Variants in FCHSD2 observed in about 807,000 individuals in gnomAD.
FCHSD2 encodes F-BAR and double SH3 domains protein 2.
FCHSD2 carries 38 observed loss-of-function variants against 108.1 expected under a neutral mutation model. The observed-to-expected ratio is 0.35, with a 90% CI of 0.27 to 0.46. The LOEUF is 0.46. Among genes scored for constraint, FCHSD2 ranks in the 20% least tolerant of loss-of-function variants. The probability of loss-of-function intolerance (pLI) is 1.00; values close to 1 mark genes in which losing one functional copy is unlikely to be tolerated. For missense variants in FCHSD2, 751 were observed against 897.8 expected (o/e 0.84, Z 2.09); for synonymous variants, 279 against 314.7 (o/e 0.89, Z 1.20).
At chr11:72,982,758 CT>C (rs1434236266) in intron 8 of FCHSD2, among the ~76,000 whole-genome samples, 1 of 152,194 alleles carries the variant, frequency 6.6e-6, no homozygotes, top group Non-Finnish European at 1.5e-5. Flanking sequence ...TGAACATACT[CT>C]TTTGTTTGTC....
intron 8 of FCHSD2, among the ~76,000 whole-genome samples, chr11:72,954,505 C>CA (rs1472696873): frequency 1.3e-5 from 2 of 151,810 alleles, no homozygotes; most frequent in Non-Finnish European, 2.9e-5. Context: ...TGTGCCCAGC[C>CA]AAAAAATCAT....
At chr11:72,862,933 A>T (rs1854633454) in intron 13 of FCHSD2, among the ~76,000 whole-genome samples, 1 of 150,466 alleles carries the variant, frequency 6.6e-6, no homozygotes, top group Non-Finnish European at 1.5e-5. Context: ...TATATGATTA[A>T]TTTTTTTTTT....
intron 3 of FCHSD2, among the ~76,000 whole-genome samples, chr11:73,030,377 G>A (rs1196344706): frequency 6.6e-6 from 1 of 152,022 alleles, no homozygotes; most frequent in Non-Finnish European, 1.5e-5. Context: ...AAAACAAAAG[G>A]AGATATTTTC....
intron 3 of FCHSD2, among the ~76,000 whole-genome samples, chr11:73,064,798 C>T (rs1859251700): frequency 6.6e-6 from 1 of 152,130 alleles, no homozygotes; most frequent in African/African-American, 2.4e-5. Flanking sequence ...CCTCCGAAGT[C>T]TAAACCAGAA....
chr11:72,905,339 G>C (rs2135279480), intron 9 of FCHSD2, among the ~76,000 whole-genome samples: 1 of 152,190 alleles, frequency 6.6e-6, no homozygotes, highest in Non-Finnish European at 1.5e-5. Context: ...AAGATATTTT[G>C]ATACAGGACT....
intron 8 of FCHSD2, among the ~76,000 whole-genome samples, chr11:72,950,438 T>TC (rs1856600496): frequency 6.6e-6 from 1 of 152,118 alleles, no homozygotes; most frequent in Non-Finnish European, 1.5e-5. Flanking sequence ...ATTTTTTTTT[T>TC]CCCTCAAAGA....
intron 3 of FCHSD2, among the ~76,000 whole-genome samples, chr11:73,048,952 CA>C (rs1858829132): frequency 6.6e-6 from 1 of 152,142 alleles, no homozygotes; most frequent in Non-Finnish European, 1.5e-5. Flanking sequence ...TCTCACATGA[CA>C]AAGAGCTATG....
chr11:73,105,661 C>T (rs1393879686), intron 2 of FCHSD2, among the ~76,000 whole-genome samples: 1 of 152,046 alleles, frequency 6.6e-6, no homozygotes, highest in African/African-American at 2.4e-5. Context: ...ATAAAGAACT[C>T]AATAAATATT....
In FCHSD2 at chr11:72,927,137, G is replaced by C. The variant is rs141861044; in HGVS notation, c.706-5187C>G. ...CTTTTCCGGGTAGGCAAAAAACCCT[G>C]TAAGCCTTTAAGGGTAAGGAAGATC... On this transcript the variant is annotated intron_variant, in intron 8 of 19. Coordinates refer to ENST00000409418, the MANE Select transcript of FCHSD2 (RefSeq NM_014824.3). 1.8e-4 allele frequency among the ~76,000 whole-genome samples: 28 copies of C among 152,250 alleles called. No individual in the cohort carries two copies. The East Asian group carries it at 5.2e-3, about 28-fold the overall frequency.
intron 5 of FCHSD2, among the ~76,000 whole-genome samples, chr11:72,999,866 GACACAC>G (rs138484535): frequency 6.7e-6 from 1 of 150,306 alleles, no homozygotes; most frequent in Non-Finnish European, 1.5e-5. Flanking sequence ...TGCACAATCA[GACACAC>G]ACACACACAC....
intron 9 of FCHSD2, among the ~76,000 whole-genome samples, chr11:72,914,681 A>T (rs890669518): frequency 2.0e-5 from 3 of 152,200 alleles, no homozygotes; most frequent in Non-Finnish European, 4.4e-5. Flanking sequence ...GGCTAGCCAT[A>T]TGCAGAAAAT....
At chr11:73,010,982 G>C (rs991152474) in intron 4 of FCHSD2, among the ~76,000 whole-genome samples, 1 of 152,146 alleles carries the variant, frequency 6.6e-6, no homozygotes, top group African/African-American at 2.4e-5. Context: ...GGCTGTGAGG[G>C]GGTGGGCAGC....
intron 3 of FCHSD2, among the ~76,000 whole-genome samples, chr11:73,067,841 T>C (rs751957026): frequency 6.6e-6 from 1 of 152,178 alleles, no homozygotes; most frequent in Non-Finnish European, 1.5e-5. Flanking sequence ...CCTGCATTAG[T>C]CCATTTTCAC....
At chr11:72,954,151 ATAAT>A (rs1295315328) in intron 8 of FCHSD2, among the ~76,000 whole-genome samples, 2 of 151,970 alleles carry the variant, frequency 1.3e-5, no homozygotes, top group Non-Finnish European at 2.9e-5. Flanking sequence ...TGCAAAGATA[ATAAT>A]GGTGGCTTAG....
rs1388293014 is a variant in FCHSD2, at chr11:73,022,184, C to T, written c.166-6299G>A. 2.0e-5 allele frequency among the ~76,000 whole-genome samples: 3 copies of T among 152,290 alleles called. No individual in the cohort carries two copies. In the East Asian group the frequency reaches 5.8e-4, roughly 29 times the overall value. ...CCATACTTTTAATGGTGAGTGAATG[C>T]TTTTCCCTTAAGATAGAGATAAGGC... On this transcript the variant is annotated intron_variant, in intron 3 of 19. Transcript: ENST00000409418.
chr11:72,900,177 C>A, intron 10 of FCHSD2: 1 of 1,004,276 alleles, frequency 1.0e-6, no homozygotes, highest in South Asian at 1.5e-5. Context: ...AACTTTCATC[C>A]CAACACCAGG....
chr11:73,057,091 AAAAAT>A (rs1456834746), intron 3 of FCHSD2, among the ~76,000 whole-genome samples: 3 of 152,182 alleles, frequency 2.0e-5, no homozygotes, highest in Admixed American at 1.3e-4. Flanking sequence ...TCAAAAACTA[AAAAAT>A]AAAATAAAAT....
chr11:73,082,837 A>C (rs1368596700), intron 3 of FCHSD2, among the ~76,000 whole-genome samples: 1 of 152,210 alleles, frequency 6.6e-6, no homozygotes, highest in Non-Finnish European at 1.5e-5. Flanking sequence ...AAACTGTATC[A>C]AATTATCTTT....
At chr11:73,113,259 C>T (rs919842591) in intron 2 of FCHSD2, among the ~76,000 whole-genome samples, 3 of 147,798 alleles carry the variant, frequency 2.0e-5, no homozygotes, top group African/African-American at 7.5e-5. Flanking sequence ...ATAGCTATTT[C>T]GAATTATCTG....
Sources: gnomAD v4.1 joint callset for allele counts (sites outside exome capture counted in the v4.1 genomes callset) on GRCh38, gnomAD v4.1.1 for gene constraint, MANE v1.5 for transcripts, NCBI Gene and HGNC (gene_info 2026-07-23, HGNC 2026-07-21) for gene names.